The following HPSE2 variants were observed in gnomAD, a reference collection of about 807,000 sequenced individuals.
The protein encoded by HPSE2 is inactive heparanase-2.
Under a neutral mutation model 60.5 loss-of-function variants are expected in HPSE2, and 38 were observed. That is an observed-to-expected ratio of 0.63 (90% CI 0.48 to 0.82). HPSE2 has a LOEUF of 0.82. HPSE2 is among the 40% of genes least tolerant of loss of function. The probability of loss-of-function intolerance (pLI) is 0.00; values close to 1 mark genes in which losing one functional copy is unlikely to be tolerated. For synonymous variants in HPSE2, 295 were observed against 293.2 expected (o/e 1.01, Z -0.06); for missense variants, 713 against 740.4 (o/e 0.96, Z 0.43).
chr10:98,459,456 A>G lies in HPSE2; in HGVS notation c.*118T>C. On this transcript the variant is annotated 3_prime_UTR_variant, in exon 12 of 12. Transcript: ENST00000370552. ...TGGAGAGCAAGTCTGTGTTGATTCC[A>G]GCAGGATGGGGCAGCAGGGGCTGGT... 3 of 1,109,188 alleles carry G rather than the reference A, an allele frequency of 2.7e-6. No homozygotes were observed. The highest frequency in any genetic ancestry group is 4.1e-6 in the Non-Finnish European group (3 of 723,102). The allele number at this position is 1,109,188 out of a possible 1,614,324, so 68.7% of individuals were successfully genotyped here.
At chr10:98,600,735 G>GTC (rs56854176) in intron 9 of HPSE2, among the ~76,000 whole-genome samples, 61,701 of 148,262 alleles carry the variant, frequency 0.42, 15,402 homozygotes, top group Admixed American at 0.53. Flanking sequence ...GGATATATAT[G>GTC]TATATACATA....
chr10:98,467,412 A>G (rs2133595082), intron 11 of HPSE2, among the ~76,000 whole-genome samples: 1 of 152,268 alleles, frequency 6.6e-6, no homozygotes, highest in African/African-American at 2.4e-5. Flanking sequence ...CAGGCTTGGG[A>G]CATGAAATGT....
chr10:98,791,293 C>G (rs1390586198), intron 3 of HPSE2, among the ~76,000 whole-genome samples: 1 of 152,070 alleles, frequency 6.6e-6, no homozygotes, highest in Non-Finnish European at 1.5e-5. Flanking sequence ...ATACAAAGTA[C>G]AAAGCCTTAA....
intron 7 of HPSE2, among the ~76,000 whole-genome samples, chr10:98,632,175 G>A (rs1946381929): frequency 6.6e-6 from 1 of 152,070 alleles, no homozygotes; most frequent in Non-Finnish European, 1.5e-5. Flanking sequence ...AGCTCTGTTG[G>A]CTTGAGCAAA....
the HPSE2 span, among the ~76,000 whole-genome samples, chr10:99,314,620 C>T: frequency 1.2e-4 from 18 of 152,130 alleles, no homozygotes; most frequent in African/African-American, 4.1e-4. Flanking sequence ...ACAAAACCCG[C>T]GGTATCCCCG....
At chr10:99,234,330 G>A (rs764825217) in intron 1 of HPSE2, among the ~76,000 whole-genome samples, 4 of 152,172 alleles carry the variant, frequency 2.6e-5, no homozygotes, top group African/African-American at 4.8e-5. Context: ...CCGGGCCAGG[G>A]GGACAACCCC....
intron 3 of HPSE2, among the ~76,000 whole-genome samples, chr10:98,980,394 G>GA (rs879021049): frequency 5.3e-5 from 8 of 151,750 alleles, no homozygotes; most frequent in African/African-American, 1.7e-4. Context: ...ATTGAGCAAG[G>GA]AAAAAAAATC....
At chr10:98,912,890 C>T (rs1479542539) in intron 3 of HPSE2, among the ~76,000 whole-genome samples, 1 of 151,776 alleles carries the variant, frequency 6.6e-6, no homozygotes, top group Non-Finnish European at 1.5e-5. Flanking sequence ...AACAGGAGGA[C>T]TATAGTCAAT....
At chr10:98,974,366 C>T (rs560276937) in intron 3 of HPSE2, among the ~76,000 whole-genome samples, 2 of 152,000 alleles carry the variant, frequency 1.3e-5, no homozygotes, top group Non-Finnish European at 2.9e-5. Context: ...GATGGAGTCT[C>T]GCTCTGTTGC....
At chr10:98,532,246 ATTGT>A (rs1467310909) in intron 9 of HPSE2, among the ~76,000 whole-genome samples, 3 of 152,160 alleles carry the variant, frequency 2.0e-5, no homozygotes, top group African/African-American at 7.2e-5. Context: ...CCTCTCCCAA[ATTGT>A]TTGTTATGTA....
chr10:99,042,945 T>C (rs886350471), intron 3 of HPSE2, among the ~76,000 whole-genome samples: 2 of 152,110 alleles, frequency 1.3e-5, no homozygotes, highest in African/African-American at 4.8e-5. Context: ...ACCAAAAATA[T>C]TTTGCTAATA....
intron 6 of HPSE2, among the ~76,000 whole-genome samples, chr10:98,649,602 G>A (rs1946864170): frequency 6.6e-6 from 1 of 152,048 alleles, no homozygotes; most frequent in African/African-American, 2.4e-5. Flanking sequence ...ATTGAACTAA[G>A]TGCAAATTTC....
intron 3 of HPSE2, among the ~76,000 whole-genome samples, chr10:99,039,290 T>C (rs143085580): frequency 3.5e-4 from 54 of 152,242 alleles, no homozygotes; most frequent in African/African-American, 1.2e-3. Flanking sequence ...TTGGTCATTC[T>C]CTCATTCTGA....
intron 3 of HPSE2, among the ~76,000 whole-genome samples, chr10:98,926,767 C>G (rs1285286564): frequency 6.6e-6 from 1 of 152,162 alleles, no homozygotes; most frequent in Non-Finnish European, 1.5e-5. Context: ...CATCTTGTCC[C>G]TTACTTATCC....
chr10:99,229,483 G>A (rs1423132442), intron 2 of HPSE2, among the ~76,000 whole-genome samples: 7 of 152,120 alleles, frequency 4.6e-5, no homozygotes, highest in African/African-American at 1.7e-4. Context: ...TTTAATGAAT[G>A]TAAGAATCCT....
intron 3 of HPSE2, among the ~76,000 whole-genome samples, chr10:99,037,106 A>G (rs561818186): frequency 7.3e-4 from 111 of 152,298 alleles, no homozygotes; most frequent in African/African-American, 2.6e-3. Flanking sequence ...AACATAGGAA[A>G]ACACTAGACA....
chr10:99,092,188 G>A lies in HPSE2; in HGVS notation c.610+52050C>T, dbSNP rs575196123. Among the ~76,000 whole-genome samples the A allele has an allele frequency of 2.0e-5, 3 of 152,200 alleles. No individual in the cohort carries two copies. The East Asian group carries it at 5.8e-4, about 29-fold the overall frequency. On this transcript the variant is annotated intron_variant, in intron 3 of 11. Coordinates refer to ENST00000370552, the MANE Select transcript of HPSE2 (RefSeq NM_021828.5). ...CTATAGGAAAAACTGTTTTAACTCA[G>A]TATTTCCCAAACCTGCATAACCATG...
chr10:98,950,390 T>G (rs1277933337), intron 3 of HPSE2, among the ~76,000 whole-genome samples: 1 of 152,154 alleles, frequency 6.6e-6, no homozygotes, highest in African/African-American at 2.4e-5. Flanking sequence ...GACACACTAG[T>G]GGTACTTGAA....
chr10:98,678,403 G>T (rs2134130080), intron 6 of HPSE2, among the ~76,000 whole-genome samples: 1 of 152,286 alleles, frequency 6.6e-6, no homozygotes, highest in Non-Finnish European at 1.5e-5. Context: ...AGAATCACCT[G>T]GAGGGTGATT....
Sources: gnomAD v4.1 joint callset for allele counts (sites outside exome capture counted in the v4.1 genomes callset) on GRCh38, gnomAD v4.1.1 for gene constraint, MANE v1.5 for transcripts, NCBI Gene and HGNC (gene_info 2026-07-23, HGNC 2026-07-21) for gene names.